Variants in PLAA observed in about 807,000 individuals in gnomAD.
PLAA encodes the protein phospholipase A-2-activating protein.
In PLAA, 48 loss-of-function variants were observed where a neutral mutation model predicts 84.1. The ratio of observed to expected loss-of-function variants is 0.57; its 90% CI spans 0.45 to 0.73. PLAA has a LOEUF of 0.73. PLAA is among the 30% of genes least tolerant of loss of function. The pLI, the probability that PLAA is intolerant of heterozygous loss-of-function variation, is 0.00. For missense variants in PLAA, 903 were observed against 954.7 expected, an observed-to-expected ratio of 0.95 and a Z score of 0.71; for synonymous variants, 392 against 336.6, an observed-to-expected ratio of 1.16 and a Z score of -1.80.
intron 1 of PLAA, among the ~76,000 whole-genome samples, chr9:26,940,323 G>A (rs1825492262): frequency 6.6e-6 from 1 of 152,168 alleles, no homozygotes; most frequent in Admixed American, 6.5e-5. Context: ...GCCTTAAAAA[G>A]GAGGGAAATT....
intron 7 of PLAA, among the ~76,000 whole-genome samples, chr9:26,920,722 T>C (rs1824731911): frequency 1.3e-5 from 2 of 152,194 alleles, no homozygotes; most frequent in Admixed American, 6.5e-5. Context: ...AACTGAAAAG[T>C]AGAAAAGCCT....
intron 1 of PLAA, among the ~76,000 whole-genome samples, chr9:26,943,678 G>A (rs1025258932): frequency 6.6e-6 from 1 of 152,056 alleles, no homozygotes; most frequent in African/African-American, 2.4e-5. Context: ...TGGGAGTGGT[G>A]GTTCACACCT....
chr9:26,943,459 G>A (rs565188101), intron 1 of PLAA, among the ~76,000 whole-genome samples: 1 of 152,222 alleles, frequency 6.6e-6, no homozygotes, highest in South Asian at 2.1e-4. Flanking sequence ...AAATTCATTT[G>A]CATCAGAGGT....
At position 26,928,143 on chromosome 9, in the gene PLAA, A is replaced by C; in HGVS notation, c.522T>G (p.Thr174=). ...ATCTTCCAGCCTTCCACAGTTTAACAGTCTTGTCTGCTGATCCAGTCAACA... is the reference window on the plus strand; with the variant it reads ...ATCTTCCAGCCTTCCACAGTTTAACCGTCTTGTCTGCTGATCCAGTCAACA... ...GLMLTGSADK[T]VKLWKAGRCE... is the part of the protein sequence containing the mutation. The change falls in exon 4 of 14, where the codon ACT becomes ACG. Residue 174 remains threonine, a synonymous_variant. Coordinates refer to ENST00000397292, the MANE Select transcript of PLAA (RefSeq NM_001031689.3). 1.2e-6 allele frequency: 2 copies of C among 1,614,210 alleles called. No individual in the cohort carries two copies. The highest frequency in any genetic ancestry group is 1.7e-6 in the Non-Finnish European group (2 of 1,180,034).
chr9:26,933,939 G>T (rs150277043), intron 2 of PLAA, among the ~76,000 whole-genome samples: 3 of 152,092 alleles, frequency 2.0e-5, no homozygotes, highest in African/African-American at 7.2e-5. Flanking sequence ...TTACTGAGTA[G>T]CTGGGACTAC....
intron 1 of PLAA, 33 bp downstream of exon 1, chr9:26,946,864 C>T (rs376598478): frequency 1.0e-5 from 16 of 1,545,014 alleles, no homozygotes; most frequent in Non-Finnish European, 1.4e-5. Context: ...AAGCGTGCAA[C>T]ACAGCCGGGG....
intron 10 of PLAA, chr9:26,915,836 TC>T (rs1824534599): frequency 4.1e-6 from 4 of 985,286 alleles, no homozygotes; most frequent in Non-Finnish European, 4.8e-6. Flanking sequence ...CTTGATATGT[TC>T]TTTCTGTTCC....
intron 10 of PLAA, 40 bp from the exon 11 acceptor site, chr9:26,913,987 T>C: frequency 7.0e-7 from 1 of 1,427,970 alleles, no homozygotes; most frequent in Non-Finnish European, 9.9e-7. Context: ...AAGGTGACTG[T>C]AAATTATAAA....
chr9:26,933,273 A>T (rs900819317), intron 2 of PLAA, among the ~76,000 whole-genome samples: 1 of 150,816 alleles, frequency 6.6e-6, no homozygotes, highest in Non-Finnish European at 1.5e-5. Flanking sequence ...TCTAAAAAAA[A>T]AAAAACCATA....
intron 4 of PLAA, among the ~76,000 whole-genome samples, chr9:26,927,128 T>TTTTTTTTTC (rs1485339702): frequency 2.5e-5 from 2 of 79,890 alleles, no homozygotes; most frequent in African/African-American, 1.4e-4. Flanking sequence ...TTTGTTTTTC[T>TTTTTTTTTC]TTTTTTTTTT....
At chr9:26,933,969 C>T (rs925478063) in intron 2 of PLAA, among the ~76,000 whole-genome samples, 3 of 151,926 alleles carry the variant, frequency 2.0e-5, no homozygotes, top group Non-Finnish European at 4.4e-5. Flanking sequence ...CCACCATGTC[C>T]AGCTAATTTT....
chr9:26,913,979 G>A (rs1824476268), intron 10 of PLAA, 32 bp from the exon 11 acceptor site: 1 of 1,478,098 alleles, frequency 6.8e-7, no homozygotes, highest in Non-Finnish European at 9.4e-7. Context: ...AGTAAGCAAA[G>A]GTGACTGTAA....
chr9:26,916,905 C>T (rs746924830), intron 10 of PLAA, among the ~76,000 whole-genome samples, 192 bp downstream of exon 10: 3 of 151,904 alleles, frequency 2.0e-5, no homozygotes, highest in African/African-American at 2.4e-5. Context: ...TTAAAAGTCA[C>T]GAGGGAATCT....
At position 26,926,404 on chromosome 9, in the gene PLAA, G is replaced by C; in HGVS notation, c.722C>G (p.Pro241Arg). The C allele has an allele frequency of 8.8e-6, 14 of 1,598,114 alleles. No individual in the cohort carries two copies. The highest frequency in any genetic ancestry group is 1.2e-5 in the Non-Finnish European group (14 of 1,166,446). The part of the protein sequence containing the change: ...TNYIYSISVF[P>R]NCRDFVTTAE... ...TAAAATAATCTTACCTCTACAATTT[G>C]GAAAAACGGATATGCTATAAATATA... Residue 241 changes from proline to arginine, a missense_variant, in exon 5 of 14, where the codon CCA becomes CGA. By Grantham distance (103) the Pro-to-Arg change is moderately radical. Coordinates refer to ENST00000397292, the MANE Select transcript of PLAA (RefSeq NM_001031689.3).
intron 2 of PLAA, among the ~76,000 whole-genome samples, chr9:26,933,000 T>G (rs1825235185): frequency 6.6e-6 from 1 of 152,080 alleles, no homozygotes; most frequent in South Asian, 2.1e-4. Context: ...CCAGGCACGG[T>G]GGCTCAGGCC....
chr9:26,946,846 T>A (rs1361968344), intron 1 of PLAA, 51 bp downstream of exon 1: 3 of 1,514,762 alleles, frequency 2.0e-6, no homozygotes, highest in Non-Finnish European at 2.7e-6. Context: ...CTCCTTCCAC[T>A]CTCCGGGAAG....
At chr9:26,935,248 G>C (rs1346579220) in intron 1 of PLAA, 42 bp from the exon 2 acceptor site, 4 of 1,326,464 alleles carry the variant, frequency 3.0e-6, no homozygotes, top group Non-Finnish European at 4.1e-6. Context: ...TTCGTACCCT[G>C]ACTTAGCCTA....
rs1824170936 is a variant in PLAA, at chr9:26,904,534, C to A, written c.*977G>T. ...ACTTTTTTTTTTCTGTTATATGATT[C>A]ATCCTATTATGTCTACTTCTGAAAG... On this transcript the variant is annotated 3_prime_UTR_variant, in exon 14 of 14. Transcript: ENST00000397292. The A allele has an allele frequency of 6.6e-6, 1 of 151,698 alleles. No individual in the cohort carries two copies. The highest frequency in any genetic ancestry group is 1.5e-5 in the Non-Finnish European group (1 of 67,928). The allele number at this position is 151,698 out of a possible 1,614,324, so 9.4% of individuals were successfully genotyped here. A position where few individuals can be genotyped will look rare whatever the true frequency, so the allele number is the denominator to read the frequency against.
chr9:26,919,018 A>C (rs1301707475), intron 9 of PLAA, among the ~76,000 whole-genome samples: 1 of 152,228 alleles, frequency 6.6e-6, no homozygotes, highest in Non-Finnish European at 1.5e-5. Context: ...CCAAAATATA[A>C]TTTTTTAAAA....
Sources: allele counts gnomAD v4.1 joint callset (sites outside exome capture counted in the v4.1 genomes callset), GRCh38; gene constraint gnomAD v4.1.1; transcripts MANE v1.5; gene names NCBI Gene and HGNC (gene_info 2026-07-23, HGNC 2026-07-21).